Variants in MAB21L3 observed in about 807,000 individuals in gnomAD.
MAB21L3 encodes the protein mab-21 like 3, also known as protein mab-21-like 3.
In MAB21L3, 36 loss-of-function variants were observed where a neutral mutation model predicts 37.7. That is an observed-to-expected ratio of 0.96 (90% CI 0.73 to 1.26). MAB21L3 has a LOEUF of 1.26. Among genes scored for constraint, MAB21L3 ranks in the 50% most tolerant of loss-of-function variants. MAB21L3 has a pLI of 0.00. For synonymous variants in MAB21L3, 186 were observed against 176.8 expected (o/e 1.05, Z -0.41); for missense variants, 430 against 447.3 (o/e 0.96, Z 0.35).
chr1:116,136,015 A>C lies in MAB21L3; in HGVS notation c.*2650A>C, dbSNP rs1035138183. On this transcript the variant is annotated 3_prime_UTR_variant, in exon 8 of 8. Transcript: ENST00000369500. ...AGCTATCTATGACAAACCCACAGGC[A>C]ATATCATACTGAATGGGCAAAAACT... 6.6e-6 allele frequency among the ~76,000 whole-genome samples: 1 copy of C among 150,704 alleles called. No individual in the cohort carries two copies. The highest frequency in any genetic ancestry group is 1.5e-5 in the Non-Finnish European group (1 of 67,818).
intron 7 of MAB21L3, 27 bp from the exon 8 acceptor site, chr1:116,133,105 G>A: frequency 6.3e-7 from 1 of 1,584,128 alleles, no homozygotes; most frequent in Non-Finnish European, 8.7e-7. Context: ...CCGAAACAAT[G>A]TCTGACAGCA....
Position 116,124,365 on chromosome 1 carries a change from G to A in MAB21L3, c.481+8G>A, listed in dbSNP as rs1023939687. 1.9e-6 allele frequency: 3 copies of A among 1,607,980 alleles called. No individual in the cohort carries two copies. The highest frequency in any genetic ancestry group is 2.5e-6 in the Non-Finnish European group (3 of 1,177,978). On this transcript the variant is annotated splice_region_variant and intron_variant, in intron 5 of 7. Transcript: ENST00000369500. ...GAACCTGTCACCTCTCAGGTGAGCT[G>A]ATCAGGAACAAGTGCAAGGGTAATT...
rs1356396162 is a variant in MAB21L3 at position 116,137,692 on chromosome 1, A to C, written c.*4327A>C. Among the ~76,000 whole-genome samples the C allele has an allele frequency of 1.3e-5, 2 of 152,028 alleles. No individual in the cohort carries two copies. The highest frequency in any genetic ancestry group is 2.9e-5 in the Non-Finnish European group (2 of 68,032). On this transcript the variant is annotated 3_prime_UTR_variant, in exon 8 of 8. Coordinates refer to ENST00000369500, the MANE Select transcript of MAB21L3 (RefSeq NM_152367.3). ...CATGCACACGTATGTTTATTGCGGC[A>C]TTATTCACAATAGCAGACTTGGAAC...
In MAB21L3 at chr1:116,136,265, G is replaced by A. The variant is rs1463048523; in HGVS notation, c.*2900G>A. Among the ~76,000 whole-genome samples, 10 of 151,992 alleles carry A rather than the reference G, an allele frequency of 6.6e-5. No individual in the cohort carries two copies. Among genetic ancestry groups the A allele is most frequent in the Non-Finnish European group, 1.0e-4 (7 of 67,982 alleles). ...GCCCAAAATCTCCTTAAGCTGATAA[G>A]CAACTTCAGCAAAGTCTCAGGATAC... On this transcript the variant is annotated 3_prime_UTR_variant, in exon 8 of 8. Coordinates refer to ENST00000369500, the MANE Select transcript of MAB21L3 (RefSeq NM_152367.3).
At position 116,133,291 on chromosome 1, in the gene MAB21L3, A is replaced by C; in HGVS notation, c.1015A>C (p.Asn339His). The change falls in exon 8 of 8, where the codon AAC (asparagine) becomes CAC (histidine). Residue 339 changes from asparagine to histidine, a missense_variant. By Grantham distance (68) the Asn-to-His change is moderately conservative. Transcript: ENST00000369500. ...GAACAGCAACCTCTTTCAGTGCACC[A>C]ACCCGACTGAACTGGACACTGTGGC... ...VRNSNLFQCT[N>H]PTELDTVAQK... is the part of the protein sequence containing the mutation. 1.9e-6 allele frequency: 3 copies of C among 1,614,216 alleles called. No individual in the cohort carries two copies. In the African/African-American group the frequency reaches 4.0e-5, roughly 22 times the overall value.
chr1:116,126,229 G>A (rs566166208), intron 5 of MAB21L3, among the ~76,000 whole-genome samples: 6 of 152,120 alleles, frequency 3.9e-5, no homozygotes, highest in Non-Finnish European at 7.4e-5. Context: ...ATCTATTCAA[G>A]ACTGCTTATC....
Position 116,112,399 on chromosome 1 carries a change from C to A in MAB21L3, c.-209-8C>A. 2.3e-6 allele frequency: 1 copy of A among 427,614 alleles called. No homozygotes were observed. The allele number at this position is 427,614 out of a possible 1,614,324, so 26.5% of individuals were successfully genotyped here. Reference sequence around the variant, plus strand: ...TTTTAAATTCTTTTTTTTTTAATTTCCCAAAAGATGACAGATGGATTTTCA... The same window carrying A: ...TTTTAAATTCTTTTTTTTTTAATTTACCAAAAGATGACAGATGGATTTTCA... On this transcript the variant is annotated splice_polypyrimidine_tract_variant and splice_region_variant and intron_variant, in intron 2 of 7. Transcript: ENST00000369500.
chr1:116,116,511 G>A (rs770665621), intron 3 of MAB21L3, among the ~76,000 whole-genome samples: 1 of 152,160 alleles, frequency 6.6e-6, no homozygotes, highest in Non-Finnish European at 1.5e-5. Flanking sequence ...CATGAGTCTT[G>A]ACTTTAAATT....
chr1:116,136,421 C>A lies in MAB21L3; in HGVS notation c.*3056C>A, dbSNP rs879697789. ...ACTTAGGAATCCAACTTACAAGGGACGTGAAGGACCTCTTCAAGGAGAACT... is the reference window on the plus strand; with the variant it reads ...ACTTAGGAATCCAACTTACAAGGGAAGTGAAGGACCTCTTCAAGGAGAACT... On this transcript the variant is annotated 3_prime_UTR_variant, in exon 8 of 8. Transcript: ENST00000369500. Among the ~76,000 whole-genome samples the A allele has an allele frequency of 1.1e-3, 173 of 151,602 alleles. No homozygotes were observed. Among genetic ancestry groups the A allele is most frequent in the South Asian group, 6.0e-3 (29 of 4,812 alleles).
At position 116,137,641 on chromosome 1, in the gene MAB21L3, C is replaced by T. The variant is rs1215197604; in HGVS notation, c.*4276C>T. 6.6e-6 allele frequency among the ~76,000 whole-genome samples: 1 copy of T among 150,928 alleles called. No homozygotes were observed. Among genetic ancestry groups the T allele is most frequent in the East Asian group, 2.0e-4 (1 of 5,128 alleles). The stretch of plus-strand genomic sequence containing the variant: ...CATTACTGGGTATATACCCAAAGGA[C>T]TATAAATCATGCTGCTATAAAGACA... On this transcript the variant is annotated 3_prime_UTR_variant, in exon 8 of 8. Coordinates refer to ENST00000369500, the MANE Select transcript of MAB21L3 (RefSeq NM_152367.3).
intron 3 of MAB21L3, among the ~76,000 whole-genome samples, chr1:116,117,162 C>T (rs112690448): frequency 0.089 from 10,119 of 113,830 alleles, 712 homozygotes; most frequent in African/African-American, 0.15. Flanking sequence ...AATATACATA[C>T]ATATATATAT....
intron 7 of MAB21L3, among the ~76,000 whole-genome samples, 177 bp from the exon 8 acceptor site, chr1:116,132,955 C>T (rs1024936356): frequency 1.3e-5 from 2 of 152,100 alleles, no homozygotes; most frequent in African/African-American, 4.8e-5. Context: ...TGCGGGAGAC[C>T]AGCTGGTAAA....
At position 116,124,298 on chromosome 1, in the gene MAB21L3, A is replaced by C. The variant is rs779937019; in HGVS notation, c.422A>C (p.Lys141Thr). The change falls in exon 5 of 8, where the codon AAG becomes ACG. Residue 141 changes from lysine to threonine, a missense_variant. Lys to Thr is a moderately conservative substitution (Grantham distance 78, BLOSUM62 -1). Coordinates refer to ENST00000369500, the MANE Select transcript of MAB21L3 (RefSeq NM_152367.3). The part of the protein sequence containing the change: ...VNIDGDIVPA[K>T]VLLVFRKLVE... ...ATCGACGGAGACATTGTGCCTGCCA[A>C]GGTCCTCCTAGTGTTCCGGAAGCTG... 3.1e-6 allele frequency: 5 copies of C among 1,614,002 alleles called. No homozygotes were observed. The Admixed American group carries it at 8.3e-5, about 27-fold the overall frequency.
intron 3 of MAB21L3, among the ~76,000 whole-genome samples, chr1:116,115,121 A>G (rs1180720122): frequency 1.3e-5 from 2 of 152,182 alleles, no homozygotes; most frequent in African/African-American, 4.8e-5. Context: ...TGGTTTCCTC[A>G]TCTATAAAAT....
chr1:116,126,584 G>C (rs1659914116), intron 5 of MAB21L3, among the ~76,000 whole-genome samples: 1 of 152,106 alleles, frequency 6.6e-6, no homozygotes, highest in Admixed American at 6.5e-5. Context: ...TTTCACCAAA[G>C]GCATATGCAT....
intron 7 of MAB21L3, 84 bp downstream of exon 7, chr1:116,128,423 A>C: frequency 7.4e-7 from 1 of 1,354,276 alleles, no homozygotes; most frequent in East Asian, 2.5e-5. Context: ...GCCTGGCCAG[A>C]GCCACTCAGA....
At position 116,134,976 on chromosome 1, in the gene MAB21L3, C is replaced by A. The variant is rs895964931; in HGVS notation, c.*1611C>A. ...TACTGATTTTGTTTTCATGAAAATTCACATTTGAAAATGAAAATGATTACT... is the reference window on the plus strand; with the variant it reads ...TACTGATTTTGTTTTCATGAAAATTAACATTTGAAAATGAAAATGATTACT... On this transcript the variant is annotated 3_prime_UTR_variant, in exon 8 of 8. Transcript: ENST00000369500. The A allele has an allele frequency of 6.6e-6, 1 of 152,098 alleles. No homozygotes were observed. 9.4% of individuals were successfully genotyped at this position (152,098 alleles called of 1,614,324 possible). A position where few individuals can be genotyped will look rare whatever the true frequency, so the allele number is the denominator to read the frequency against.
At position 116,132,947 on chromosome 1, in the gene MAB21L3, C is replaced by T. The variant is rs752966146; in HGVS notation, c.856-185C>T. On this transcript the variant is annotated intron_variant, in intron 7 of 7. Coordinates refer to ENST00000369500, the MANE Select transcript of MAB21L3 (RefSeq NM_152367.3). ...GAGGGAATAGATTAGGGAAGAGGTGCGGGAGACCAGCTGGTAAACTGAAGG... is the reference window on the plus strand; with the variant it reads ...GAGGGAATAGATTAGGGAAGAGGTGTGGGAGACCAGCTGGTAAACTGAAGG... Among the ~76,000 whole-genome samples the T allele has an allele frequency of 2.6e-5, 4 of 152,074 alleles. No individual in the cohort carries two copies. In the East Asian group the frequency reaches 5.8e-4, roughly 22 times the overall value.
rs1337165655 is a variant in MAB21L3, at chr1:116,134,556, G to A, written c.*1191G>A. On this transcript the variant is annotated 3_prime_UTR_variant, in exon 8 of 8. Transcript: ENST00000369500. ...AAGGCAGGCATGGTGGGGCTGGCAT[G>A]AGTCAGAGCACCTGGCCTTGTAAAG... 1 of 152,304 alleles carries A rather than the reference G, an allele frequency of 6.6e-6. No individual in the cohort carries two copies. Among genetic ancestry groups the A allele is most frequent in the East Asian group, 1.9e-4 (1 of 5,202 alleles). The allele number at this position is 152,304 out of a possible 1,614,324, so 9.4% of individuals were successfully genotyped here. A position where few individuals can be genotyped will look rare whatever the true frequency, so the allele number is the denominator to read the frequency against.
Sources: allele counts gnomAD v4.1 joint callset (sites outside exome capture counted in the v4.1 genomes callset), GRCh38; gene constraint gnomAD v4.1.1; transcripts MANE v1.5; gene names NCBI Gene and HGNC (gene_info 2026-07-23, HGNC 2026-07-21).